Variants in ZNF521 observed in about 807,000 individuals in gnomAD.
ZNF521 encodes LYST-interacting protein 3.
A neutral mutation model predicts 105.5 loss-of-function variants in ZNF521; 14 were observed. That is an observed-to-expected ratio of 0.13 (90% confidence interval 0.09 to 0.21). The LOEUF is 0.21. Among genes scored for constraint, ZNF521 ranks in the 10% least tolerant of loss-of-function variants. The pLI, the probability that ZNF521 is intolerant of heterozygous loss-of-function variation, is 1.00. For synonymous variants in ZNF521, 635 were observed against 606.0 expected (o/e 1.05, Z -0.70); for missense variants, 1,233 against 1,629.7 (o/e 0.76, Z 4.19).
intron 5 of ZNF521, among the ~76,000 whole-genome samples, chr18:25,183,198 C>T (rs1243359714): frequency 6.6e-6 from 1 of 152,078 alleles, no homozygotes; most frequent in Admixed American, 6.6e-5. Context: ...TGATAATATG[C>T]TATGAATGGA....
intron 2 of ZNF521, among the ~76,000 whole-genome samples, chr18:25,324,958 G>C (rs899757583): frequency 3.9e-5 from 6 of 152,226 alleles, no homozygotes; most frequent in African/African-American, 1.4e-4. Flanking sequence ...TTCCACTTCT[G>C]CAATTGCAGA....
intron 5 of ZNF521, among the ~76,000 whole-genome samples, chr18:25,104,827 A>G (rs1196341966): frequency 1.3e-5 from 2 of 152,186 alleles, no homozygotes; most frequent in Non-Finnish European, 2.9e-5. Flanking sequence ...GCATGGTATG[A>G]ATGTGCAGAA....
chr18:25,303,067 C>G (rs1031154837), intron 3 of ZNF521: 1 of 152,086 alleles, frequency 6.6e-6, no homozygotes, highest in Non-Finnish European at 1.5e-5. Context: ...TTCTACCTTC[C>G]TCCTTTTCCT....
chr18:25,102,969 C>T (rs1230995112), intron 5 of ZNF521, among the ~76,000 whole-genome samples: 1 of 152,092 alleles, frequency 6.6e-6, no homozygotes, highest in Admixed American at 6.6e-5. Flanking sequence ...TCAAATCCAC[C>T]TCATCCCCCT....
chr18:25,343,940 T>C (rs912304008), intron 2 of ZNF521, among the ~76,000 whole-genome samples: 24 of 152,174 alleles, frequency 1.6e-4, no homozygotes, highest in African/African-American at 5.8e-4. Context: ...GTAGAAATAC[T>C]AACTATAGTA....
intron 3 of ZNF521, among the ~76,000 whole-genome samples, chr18:25,257,094 T>C (rs1908570097): frequency 6.6e-6 from 1 of 152,138 alleles, no homozygotes; most frequent in South Asian, 2.1e-4. Flanking sequence ...CAACGCAGGA[T>C]GGGACTCCCT....
At chr18:25,345,463 A>AT (rs1162106813) in intron 2 of ZNF521, 2 of 152,156 alleles carry the variant, frequency 1.3e-5, no homozygotes, top group East Asian at 1.9e-4. Context: ...TCAGTATCCT[A>AT]TTTTTTGTCC....
intron 3 of ZNF521, among the ~76,000 whole-genome samples, chr18:25,310,424 A>C (rs1460782571): frequency 6.7e-6 from 1 of 148,582 alleles, no homozygotes; most frequent in Non-Finnish European, 1.5e-5. Context: ...TAAAACAAAA[A>C]ACAGAAAACA....
chr18:25,159,635 A>C (rs1567987653), intron 5 of ZNF521, among the ~76,000 whole-genome samples: 1 of 152,190 alleles, frequency 6.6e-6, no homozygotes, highest in Non-Finnish European at 1.5e-5. Flanking sequence ...CAAAATTCAG[A>C]GTAGTTTGGT....
intron 5 of ZNF521, among the ~76,000 whole-genome samples, chr18:25,127,097 T>TG (rs1304910788): frequency 1.3e-5 from 2 of 152,002 alleles, no homozygotes; most frequent in Non-Finnish European, 2.9e-5. Flanking sequence ...GTGATTGGGC[T>TG]GGGGGATGCA....
At chr18:25,294,922 C>T (rs1229341428) in intron 3 of ZNF521, among the ~76,000 whole-genome samples, 1 of 146,882 alleles carries the variant, frequency 6.8e-6, no homozygotes, top group African/African-American at 2.5e-5. Flanking sequence ...CTGCTATCTG[C>T]GACATCCTTT....
chr18:25,302,766 T>C (rs970978452), intron 3 of ZNF521: 7 of 152,148 alleles, frequency 4.6e-5, no homozygotes, highest in Non-Finnish European at 1.0e-4. Flanking sequence ...CATGGGAAAA[T>C]TTGATGTGCT....
chr18:25,237,157 C>G (rs1203251291), intron 3 of ZNF521, among the ~76,000 whole-genome samples: 1 of 152,076 alleles, frequency 6.6e-6, no homozygotes, highest in Non-Finnish European at 1.5e-5. Context: ...GGAACCAGTA[C>G]AGTTAAAATT....
rs1323318636 is a variant in ZNF521 at position 25,351,204 on chromosome 18, C to A, written c.-1-257G>T. The A allele has an allele frequency of 4.1e-5, 6 of 147,046 alleles. No homozygotes were observed. The South Asian group carries it at 1.1e-3, about 27-fold the overall frequency. The allele number at this position is 147,046 out of a possible 1,614,324, so 9.1% of individuals were successfully genotyped here. ...GCACCAAACTTTCCCAGCCTTCGAC[C>A]CCCACCCCCAATCTCCAAGAAAAAA... is the stretch of plus-strand genomic sequence containing the variant. On this transcript the variant is annotated intron_variant, in intron 1 of 7. Transcript: ENST00000361524.
At position 25,087,689 on chromosome 18, in the gene ZNF521, A is replaced by C. The variant is rs549178639; in HGVS notation, c.3906+1776T>G. Among the ~76,000 whole-genome samples the C allele has an allele frequency of 2.0e-5, 3 of 152,312 alleles. No individual in the cohort carries two copies. The South Asian group carries it at 6.2e-4, about 32-fold the overall frequency. On this transcript the variant is annotated intron_variant, in intron 7 of 7. Transcript: ENST00000361524. ...AAAATGTAGTATTTTTTTCAAACAG[A>C]AATTTAGATTATTTTAATAAGATGT...
intron 2 of ZNF521, among the ~76,000 whole-genome samples, chr18:25,334,068 A>G (rs1913741530): frequency 6.6e-6 from 1 of 152,210 alleles, no homozygotes; most frequent in African/African-American, 2.4e-5. Flanking sequence ...AAAACACTCC[A>G]GCACCCCCTT....
chr18:25,203,224 A>T (rs762539850), intron 4 of ZNF521, among the ~76,000 whole-genome samples: 1 of 152,196 alleles, frequency 6.6e-6, no homozygotes, highest in Non-Finnish European at 1.5e-5. Context: ...CATGTCAGAG[A>T]GTGACAGATT....
At chr18:25,313,486 C>T (rs991662618) in intron 3 of ZNF521, among the ~76,000 whole-genome samples, 2 of 152,110 alleles carry the variant, frequency 1.3e-5, no homozygotes, top group Admixed American at 1.3e-4. Context: ...TCAGAGCTGA[C>T]TGAAAGTTGG....
chr18:25,217,666 G>C (rs1322892384), intron 4 of ZNF521, among the ~76,000 whole-genome samples: 1 of 152,236 alleles, frequency 6.6e-6, no homozygotes, highest in Non-Finnish European at 1.5e-5. Flanking sequence ...TACCCATGCA[G>C]TGAGGCCTTT....
Sources: allele counts gnomAD v4.1 joint callset (sites outside exome capture counted in the v4.1 genomes callset), GRCh38; gene constraint gnomAD v4.1.1; transcripts MANE v1.5; gene names NCBI Gene and HGNC (gene_info 2026-07-23, HGNC 2026-07-21).